Variants in FTO observed in about 807,000 individuals in gnomAD.
The protein encoded by FTO is FTO alpha-ketoglutarate dependent dioxygenase.
FTO carries 47 observed loss-of-function variants against 63.9 expected under a neutral mutation model. That is an observed-to-expected ratio of 0.74 (90% CI 0.58 to 0.94). The LOEUF is 0.94. FTO is among the 40% of genes least tolerant of loss of function. The pLI is 0.00. For missense variants in FTO, 562 were observed against 618.1 expected, an observed-to-expected ratio of 0.91 and a Z score of 0.96; for synonymous variants, 207 against 224.4, an observed-to-expected ratio of 0.92 and a Z score of 0.69.
chr16:53,708,211 C>T (rs989512918), intron 1 of FTO, among the ~76,000 whole-genome samples: 1 of 152,082 alleles, frequency 6.6e-6, no homozygotes, highest in African/African-American at 2.4e-5. Context: ...ACTAAAAATA[C>T]TAAAATTAGC....
intron 8 of FTO, among the ~76,000 whole-genome samples, chr16:54,105,040 C>T (rs1191410179): frequency 6.6e-6 from 1 of 152,188 alleles, no homozygotes; most frequent in Non-Finnish European, 1.5e-5. Context: ...TTTATCTTCA[C>T]ATAACCCGGT....
In FTO at chr16:53,732,173, T is replaced by G. The variant is rs1452651734; in HGVS notation, c.45+27944T>G. ...ATGCCATTCTCCTGCCTCAGCCTCCTGAGTAGCTGGGACTACAGGCGCCCG... is the reference window on the plus strand; with the variant it reads ...ATGCCATTCTCCTGCCTCAGCCTCCGGAGTAGCTGGGACTACAGGCGCCCG... On this transcript the variant is annotated intron_variant, in intron 1 of 8. Transcript: ENST00000471389. Among the ~76,000 whole-genome samples, 4 of 150,970 alleles carry G rather than the reference T, an allele frequency of 2.6e-5. No individual in the cohort carries two copies. In the South Asian group the frequency reaches 8.4e-4, roughly 32 times the overall value.
At chr16:53,932,903 G>C (rs1420311653) in intron 7 of FTO, among the ~76,000 whole-genome samples, 1 of 152,150 alleles carries the variant, frequency 6.6e-6, no homozygotes, top group Non-Finnish European at 1.5e-5. Flanking sequence ...TCCTGGAAAA[G>C]AATCAATTTG....
chr16:53,826,160 C>G lies in FTO; in HGVS notation c.420C>G (p.Leu140=), dbSNP rs774633209. The G allele has an allele frequency of 3.1e-6, 5 of 1,614,050 alleles. No homozygotes were observed. Among genetic ancestry groups the G allele is most frequent in the Non-Finnish European group, 3.4e-6 (4 of 1,180,038 alleles). ...AEIAAACETF[L]KLNDYLQIET... ...TAGCCGCTGCTTGTGAGACCTTCCT[C>G]AAGCTCAATGACTACCTGCAGATAG... The change falls in exon 3 of 9, where the codon CTC becomes CTG. Residue 140 remains leucine (L), a synonymous_variant. Coordinates refer to ENST00000471389, the MANE Select transcript of FTO (RefSeq NM_001080432.3).
At chr16:54,109,557 C>G (rs2086829998) in intron 8 of FTO, among the ~76,000 whole-genome samples, 1 of 152,202 alleles carries the variant, frequency 6.6e-6, no homozygotes, top group African/African-American at 2.4e-5. Flanking sequence ...GTTTCTGACT[C>G]TTGGCCTCAA....
intron 7 of FTO, among the ~76,000 whole-genome samples, chr16:53,890,960 G>A (rs981230866): frequency 6.6e-6 from 1 of 151,932 alleles, no homozygotes. Context: ...GTGAATTAGA[G>A]TTGAAGAGCA....
At chr16:53,775,277 T>C (rs2077434649) in intron 1 of FTO, among the ~76,000 whole-genome samples, 1 of 152,166 alleles carries the variant, frequency 6.6e-6, no homozygotes, top group African/African-American at 2.4e-5. Context: ...GTTAATGACA[T>C]TGACTTCCTT....
intron 8 of FTO, chr16:53,979,472 A>G (rs2083494777): frequency 2.5e-6 from 1 of 398,268 alleles, no homozygotes; most frequent in Non-Finnish European, 4.4e-6. Context: ...TTCCAATTTT[A>G]TGGACTAAAA....
In FTO at chr16:53,941,677, TC is replaced by T. The variant is rs1401605574; in HGVS notation, c.1364+7569del. ...GCCAGGGCAACATGGTAAAACCCCA[TC>T]TCTGCAAAAAGTGCAAACAACTAGC... On this transcript the variant is annotated intron_variant, in intron 8 of 8. Transcript: ENST00000471389. Among the ~76,000 whole-genome samples, 5 of 152,040 alleles carry T rather than the reference TC, an allele frequency of 3.3e-5. No individual in the cohort carries two copies. The East Asian group carries it at 9.7e-4, about 29-fold the overall frequency.
chr16:53,818,331 T>C (rs941416339), intron 2 of FTO, among the ~76,000 whole-genome samples: 4 of 152,168 alleles, frequency 2.6e-5, no homozygotes, highest in Non-Finnish European at 5.9e-5. Context: ...TAGCCAGTTA[T>C]TATTATTTGT....
chr16:53,898,784 A>G (rs1166825382), intron 7 of FTO, among the ~76,000 whole-genome samples: 3 of 151,998 alleles, frequency 2.0e-5, no homozygotes, highest in African/African-American at 7.3e-5. Context: ...GGCTCAAGTG[A>G]TTTGCCCACC....
rs370570994 is a variant in FTO at position 54,009,732 on chromosome 16, T to C, written c.1364+75623T>C. Among the ~76,000 whole-genome samples the C allele has an allele frequency of 2.0e-4, 31 of 152,286 alleles. No individual in the cohort carries two copies. In the South Asian group the frequency reaches 6.0e-3, roughly 30 times the overall value. On this transcript the variant is annotated intron_variant, in intron 8 of 8. Transcript: ENST00000471389. ...CACAAGTTGCTGGCTCCACCACTACTACCCTATCCCACCTACGTCCAAGAT... is the reference window on the plus strand; with the variant it reads ...CACAAGTTGCTGGCTCCACCACTACCACCCTATCCCACCTACGTCCAAGAT...
At chr16:53,746,074 G>T (rs1460939857) in intron 1 of FTO, among the ~76,000 whole-genome samples, 1 of 152,172 alleles carries the variant, frequency 6.6e-6, no homozygotes, top group Non-Finnish European at 1.5e-5. Flanking sequence ...TTTTCTCTAT[G>T]CAACTCCTAA....
chr16:54,000,871 TAAG>T (rs756896904), intron 8 of FTO, among the ~76,000 whole-genome samples: 27 of 152,212 alleles, frequency 1.8e-4, no homozygotes, highest in Admixed American at 1.2e-3. Context: ...TCAGAATTTC[TAAG>T]AACATAAAAT....
At chr16:53,962,971 G>A (rs942744074) in intron 8 of FTO, among the ~76,000 whole-genome samples, 2 of 151,964 alleles carry the variant, frequency 1.3e-5, no homozygotes, top group African/African-American at 4.8e-5. Flanking sequence ...ATTTTCCCAC[G>A]CTCAAATCCA....
chr16:53,805,745 T>C (rs1486939937), intron 1 of FTO, among the ~76,000 whole-genome samples: 1 of 152,156 alleles, frequency 6.6e-6, no homozygotes, highest in Non-Finnish European at 1.5e-5. Context: ...CCACTGCAAC[T>C]GGCTGTGGTG....
chr16:53,754,614 G>A (rs1051812726), intron 1 of FTO, among the ~76,000 whole-genome samples: 1 of 152,104 alleles, frequency 6.6e-6, no homozygotes, highest in Non-Finnish European at 1.5e-5. Flanking sequence ...CTCCAGCCTG[G>A]ATGACAGAGC....
At chr16:54,059,844 A>G (rs1408284822) in intron 8 of FTO, among the ~76,000 whole-genome samples, 2 of 152,156 alleles carry the variant, frequency 1.3e-5, no homozygotes, top group Non-Finnish European at 2.9e-5. Context: ...ACTAATGAGC[A>G]TCGGGCTTTT....
intron 4 of FTO, among the ~76,000 whole-genome samples, chr16:53,864,111 G>A (rs996058633): frequency 1.3e-5 from 2 of 152,070 alleles, no homozygotes; most frequent in Non-Finnish European, 2.9e-5. Context: ...TTCAGCCATG[G>A]GTGGCCCACA....
Sources: gnomAD v4.1 joint callset for allele counts (sites outside exome capture counted in the v4.1 genomes callset) on GRCh38, gnomAD v4.1.1 for gene constraint, MANE v1.5 for transcripts, NCBI Gene and HGNC (gene_info 2026-07-23, HGNC 2026-07-21) for gene names.